Variants in PLD4 observed in about 807,000 individuals in gnomAD.
PLD4 encodes the protein 5'-3' exonuclease PLD4.
Under a neutral mutation model 52.3 loss-of-function variants are expected in PLD4, and 54 were observed. The observed-to-expected ratio is 1.03, with a 90% CI of 0.83 to 1.30. The LOEUF (loss-of-function observed/expected upper bound fraction) is 1.30, where lower values mean the gene tolerates loss of function less well. Among genes scored for constraint, PLD4 ranks in the 50% most tolerant of loss-of-function variants. The probability of loss-of-function intolerance (pLI) is 0.00; values close to 1 mark genes in which losing one functional copy is unlikely to be tolerated. For synonymous variants in PLD4, 264 were observed against 286.5 expected (o/e 0.92, Z 0.79); for missense variants, 731 against 671.1 (o/e 1.09, Z -0.99).
At chr14:104,927,347 T>C in intron 2 of PLD4, 117 bp downstream of exon 2, 1 of 944,028 alleles carries the variant, frequency 1.1e-6, no homozygotes, top group Non-Finnish European at 1.5e-6. Context: ...AGAGGTGCCC[T>C]GACTGGTGGG....
At chr14:104,935,304 G>A (rs1331859842), downstream of PLD4, 2 of 152,284 alleles carry the variant, frequency 1.3e-5, no homozygotes, top group Non-Finnish European at 2.9e-5. Flanking sequence ...GCTGTGATTT[G>A]GACAACTGGC....
At position 104,932,507 on chromosome 14, in the gene PLD4, A is replaced by G. The variant is rs1014481775; in HGVS notation, c.1321+152A>G. The G allele has an allele frequency of 7.4e-6, 7 of 940,540 alleles. No homozygotes were observed. In the African/African-American group the frequency reaches 8.3e-5, roughly 11 times the overall value. 58.3% of individuals were successfully genotyped at this position (940,540 alleles called of 1,614,324 possible). Reference sequence around the variant, plus strand: ...TCCATGGAGTTCCGGGGACCAGGCCACCCGCCTGTCACCTGGCCCCACAGG... The same window carrying G: ...TCCATGGAGTTCCGGGGACCAGGCCGCCCGCCTGTCACCTGGCCCCACAGG... On this transcript the variant is annotated intron_variant, in intron 10 of 10. Transcript: ENST00000392593. This position sits in a 1 kb window ranked among gnomAD's most constrained non-coding sequence, Gnocchi z 6.5.
rs375507377 is a variant in PLD4, at chr14:104,927,850, C to G, written c.268C>G (p.Gln90Glu). ...GCCCCTGGAAGCAGAGGCCAGGCAG[C>G]AGAGGGACTCCTGCCAGTAAGTGAG... ...WEPLEAEARQ[Q>E]RDSCQLVLVE... The change falls in exon 3 of 11, where the codon CAG becomes GAG. Residue 90 changes from glutamine to glutamate, a missense_variant. Transcript: ENST00000392593. The G allele has an allele frequency of 7.7e-5, 121 of 1,576,886 alleles. No homozygotes were observed. The highest frequency in any genetic ancestry group is 1.0e-4 in the Admixed American group (6 of 57,780).
chr14:104,929,114 G>A (rs1897555743), intron 4 of PLD4, 182 bp downstream of exon 4: 2 of 1,182,138 alleles, frequency 1.7e-6, no homozygotes, highest in African/African-American at 1.5e-5. Context: ...AAGGAGCTGG[G>A]CCTCTGGGTG....
chr14:104,935,223 A>C (rs1312459928), downstream of PLD4: 1 of 152,270 alleles, frequency 6.6e-6, no homozygotes, highest in East Asian at 1.9e-4. Context: ...CTTATACCTG[A>C]ATGTGTCTCA....
chr14:104,936,706 C>T (rs1389321178), downstream of PLD4: 1 of 152,450 alleles, frequency 6.6e-6, no homozygotes, highest in Admixed American at 6.5e-5. Context: ...AAGCGCTTCT[C>T]ACCAGGAGCC....
downstream of PLD4, chr14:104,933,471 A>C: frequency 1.3e-5 from 2 of 150,750 alleles, no homozygotes; most frequent in Non-Finnish European, 1.5e-5. Context: ...CGGAACCCAA[A>C]TTCCCGCCCC....
intron 6 of PLD4, among the ~76,000 whole-genome samples, chr14:104,930,356 G>C (rs1036713): frequency 0.58 from 88,972 of 152,096 alleles, 26,795 homozygotes; most frequent in African/African-American, 0.73. Context: ...GGGAAGCATG[G>C]AGATTACAAA....
chr14:104,927,913 C>T (rs1277739053), intron 3 of PLD4, 47 bp downstream of exon 3: 1 of 1,478,052 alleles, frequency 6.8e-7, no homozygotes, highest in Admixed American at 2.2e-5. Context: ...CAGTTTGGGG[C>T]TGCTGCCTGT....
At chr14:104,925,509 C>T (rs1897424238) in intron 1 of PLD4, among the ~76,000 whole-genome samples, 1 of 150,260 alleles carries the variant, frequency 6.7e-6, no homozygotes, top group Non-Finnish European at 1.5e-5. Context: ...AGCTGCCCGT[C>T]TGCCTGGAGC....
downstream of PLD4, chr14:104,933,391 C>T: frequency 6.3e-6 from 1 of 158,896 alleles, no homozygotes; most frequent in Non-Finnish European, 1.4e-5. Context: ...CGGGGCGGGG[C>T]GGGGACCAGA....
At position 104,927,821 on chromosome 14, in the gene PLD4, G is replaced by A. The variant is rs1344726329; in HGVS notation, c.239G>A (p.Trp80Ter). The change falls in exon 3 of 11, where the codon TGG becomes TAG. Residue 80 changes from tryptophan to a stop codon, truncating the protein, a stop_gained. Transcript: ENST00000392593. LOFTEE classifies it high-confidence loss of function. ...RSWEHGSSPA[W>*]EPLEAEARQQ... ...TGGGAGCATGGCTCCAGCCCAGCTTGGGAGCCCCTGGAAGCAGAGGCCAGG... is the reference window on the plus strand; with the variant it reads ...TGGGAGCATGGCTCCAGCCCAGCTTAGGAGCCCCTGGAAGCAGAGGCCAGG... 6.3e-7 allele frequency: 1 copy of A among 1,591,010 alleles called. No homozygotes were observed. Among genetic ancestry groups the A allele is most frequent in the South Asian group, 1.1e-5 (1 of 89,434 alleles).
intron 5 of PLD4, 105 bp downstream of exon 5, chr14:104,929,532 C>T (rs923854364): frequency 7.3e-5 from 106 of 1,443,238 alleles, no homozygotes; most frequent in Non-Finnish European, 9.1e-5. Flanking sequence ...GAAAGGTGCC[C>T]TGGACTTCCC....
chr14:104,930,743 T>C lies in PLD4; in HGVS notation c.719T>C (p.Val240Ala), dbSNP rs1465160555. 2 of 1,612,988 alleles carry C rather than the reference T, an allele frequency of 1.2e-6. No homozygotes were observed. Among genetic ancestry groups the C allele is most frequent in the African/African-American group, 2.7e-5 (2 of 74,908 alleles). ...AGCGCCTGACTTTGGTCCCTGCAGGTGAAGGAGCTTGGCGCTGTCATCTAT... is the reference window on the plus strand; with the variant it reads ...AGCGCCTGACTTTGGTCCCTGCAGGCGAAGGAGCTTGGCGCTGTCATCTAT... ...ANMDWRSLTQ[V>A]KELGAVIYNC... Residue 240 changes from valine to alanine, a missense_variant and splice_region_variant, in exon 7 of 11, where the codon GTG becomes GCG. Coordinates refer to ENST00000392593, the MANE Select transcript of PLD4 (RefSeq NM_138790.5).
Position 104,930,926 on chromosome 14 carries a change from C to T in PLD4, c.902C>T (p.Thr301Ile). 1 of 1,613,284 alleles carries T rather than the reference C, an allele frequency of 6.2e-7. No homozygotes were observed. The highest frequency in any genetic ancestry group is 8.5e-7 in the Non-Finnish European group (1 of 1,179,904). The change falls in exon 7 of 11, where the codon ACC becomes ATC. Residue 301 changes from threonine to isoleucine, a missense_variant. By Grantham distance (89) the Thr-to-Ile change is moderately conservative. Transcript: ENST00000392593. Reference sequence around the variant, plus strand: ...CACGGCCTCTTTGATGGGGTGCCCACCACTGCCTACTTCTCAGTAAGACGG... The same window carrying T: ...CACGGCCTCTTTGATGGGGTGCCCATCACTGCCTACTTCTCAGTAAGACGG... The part of the protein sequence containing the change: ...PFHGLFDGVP[T>I]TAYFSASPPA...
At position 104,933,064 on chromosome 14, in the gene PLD4, C is replaced by G. The variant is rs540456840; in HGVS notation, c.*100C>G. ...GCTTCCTCCCGCAAGCAGCCCGGGTCCGCACTGCGCCAGGAGCCGCCTGCG... is the reference window on the plus strand; with the variant it reads ...GCTTCCTCCCGCAAGCAGCCCGGGTGCGCACTGCGCCAGGAGCCGCCTGCG... On this transcript the variant is annotated 3_prime_UTR_variant, in exon 11 of 11. Transcript: ENST00000392593. 1 of 1,334,186 alleles carries G rather than the reference C, an allele frequency of 7.5e-7. No individual in the cohort carries two copies. The highest frequency in any genetic ancestry group is 1.6e-5 in the South Asian group (1 of 63,198). 82.6% of individuals were successfully genotyped at this position (1,334,186 alleles called of 1,614,324 possible). A position where few individuals can be genotyped will look rare whatever the true frequency, so the allele number is the denominator to read the frequency against.
At position 104,928,925 on chromosome 14, in the gene PLD4, C is replaced by T; in HGVS notation, c.461C>T (p.Ser154Phe). 3.1e-6 allele frequency: 5 copies of T among 1,598,672 alleles called. No individual in the cohort carries two copies. Among genetic ancestry groups the T allele is most frequent in the Non-Finnish European group, 3.4e-6 (4 of 1,168,718 alleles). Reference sequence around the variant, plus strand: ...GACATCGGGGTCAACGACTCGTCTTCCCAGCTGGTGCGCCCCGCCCTGGCC... The same window carrying T: ...GACATCGGGGTCAACGACTCGTCTTTCCAGCTGGTGCGCCCCGCCCTGGCC... ...GPDIGVNDSS[S>F]QLGEALLQKL... Residue 154 changes from serine (S) to phenylalanine (F), a missense_variant, in exon 4 of 11, where the codon TCC becomes TTC. Transcript: ENST00000392593.
Position 104,932,659 on chromosome 14 carries a change from C to T in PLD4, c.1322-106C>T, listed in dbSNP as rs1001952658. 5 of 1,187,352 alleles carry T rather than the reference C, an allele frequency of 4.2e-6. No homozygotes were observed. Among genetic ancestry groups the T allele is most frequent in the Non-Finnish European group, 5.8e-6 (5 of 860,954 alleles). The allele number at this position is 1,187,352 out of a possible 1,614,324, so 73.6% of individuals were successfully genotyped here. A position where few individuals can be genotyped will look rare whatever the true frequency, so the allele number is the denominator to read the frequency against. On this transcript the variant is annotated intron_variant, in intron 10 of 10. Coordinates refer to ENST00000392593, the MANE Select transcript of PLD4 (RefSeq NM_138790.5). The surrounding 1 kb of genome is among the most constrained non-coding windows in gnomAD (Gnocchi z 6.5). ...CTGGAGTCTGATGACAGTGGAGGGG[C>T]CAGCTGCCAACCGTCCCCAAACCCG...
intron 4 of PLD4, 24 bp downstream of exon 4, chr14:104,928,956 G>T: frequency 6.4e-7 from 1 of 1,569,286 alleles, no homozygotes; most frequent in Non-Finnish European, 8.7e-7. Flanking sequence ...TGGCCCCACC[G>T]CATCCTGGTG....
Sources: gnomAD v4.1 joint callset for allele counts (sites outside exome capture counted in the v4.1 genomes callset) on GRCh38, gnomAD v4.1.1 for gene constraint, Gnocchi (gnomAD v3.1) non-coding constraint, MANE v1.5 for transcripts, NCBI Gene and HGNC (gene_info 2026-07-23, HGNC 2026-07-21) for gene names.